URI1: variants seen among roughly 807,000 people sequenced by gnomAD.
The protein encoded by URI1 is URI1 prefoldin like chaperone.
Under a neutral mutation model 60.2 loss-of-function variants are expected in URI1, and 39 were observed. The ratio of observed to expected loss-of-function variants is 0.65; its 90% CI spans 0.50 to 0.85. The LOEUF is 0.85. Ranked by LOEUF, URI1 falls within the 40% of genes least tolerant of loss-of-function variation. The probability of loss-of-function intolerance (pLI) is 0.00; values close to 1 mark genes in which losing one functional copy is unlikely to be tolerated. For missense variants in URI1, 691 were observed against 665.9 expected (o/e 1.04, Z -0.42); for synonymous variants, 251 against 236.8 (o/e 1.06, Z -0.55).
chr19:29,927,129 G>A (rs544796813), intron 1 of URI1, among the ~76,000 whole-genome samples: 6 of 152,186 alleles, frequency 3.9e-5, no homozygotes, highest in Non-Finnish European at 5.9e-5. Flanking sequence ...ATGGTGTCTT[G>A]GGCTGGGGGA....
At chr19:29,951,768 G>C (rs553916189) in intron 1 of URI1, among the ~76,000 whole-genome samples, 2 of 152,046 alleles carry the variant, frequency 1.3e-5, no homozygotes, top group South Asian at 4.2e-4. Flanking sequence ...GGCTGGTCTC[G>C]ATCTCCTGAC....
At chr19:29,941,306 A>G (rs1331034452), upstream of URI1, among the ~76,000 whole-genome samples, 1 of 152,192 alleles carries the variant, frequency 6.6e-6, no homozygotes, top group Non-Finnish European at 1.5e-5. Flanking sequence ...AAGTGGGCAC[A>G]GGAGTTCTAA....
At chr19:29,977,563 T>A (rs995631014) in intron 2 of URI1, among the ~76,000 whole-genome samples, 25 of 49,000 alleles carry the variant, frequency 5.1e-4, no homozygotes, top group Non-Finnish European at 6.6e-4. Context: ...TTTTTCTTTT[T>A]TTTTTTTTTT....
chr19:30,013,169 C>T (rs896097356), intron 10 of URI1, among the ~76,000 whole-genome samples: 1 of 152,172 alleles, frequency 6.6e-6, no homozygotes, highest in Non-Finnish European at 1.5e-5. Flanking sequence ...TTGATTTCTT[C>T]ATTCTTGTGT....
Position 30,015,481 on chromosome 19 carries a change from C to T in URI1, c.*412C>T, listed in dbSNP as rs2056074609. On this transcript the variant is annotated 3_prime_UTR_variant, in exon 11 of 11. Transcript: ENST00000392271. ...AAATTTCAAATAGATTCAACAATTA[C>T]ATTACTTGCTTTCACATTTTAAAGG... is the stretch of plus-strand genomic sequence containing the variant. 3 of 1,524,848 alleles carry T rather than the reference C, an allele frequency of 2.0e-6. No homozygotes were observed. Among genetic ancestry groups the T allele is most frequent in the Admixed American group, 2.1e-5 (1 of 48,090 alleles). 94.5% of individuals were successfully genotyped at this position (1,524,848 alleles called of 1,614,324 possible). A position where few individuals can be genotyped will look rare whatever the true frequency, so the allele number is the denominator to read the frequency against.
At chr19:29,941,329 G>T (rs1055658814), upstream of URI1, among the ~76,000 whole-genome samples, 7 of 152,272 alleles carry the variant, frequency 4.6e-5, no homozygotes, top group East Asian at 1.2e-3. Context: ...TAATTGGAAC[G>T]GCCAGGTGTG....
intron 1 of URI1, among the ~76,000 whole-genome samples, chr19:29,956,178 G>T (rs917873380): frequency 6.7e-6 from 1 of 148,278 alleles, no homozygotes; most frequent in African/African-American, 2.6e-5. Flanking sequence ...AGAGATGAGC[G>T]CCATGTTGGT....
chr19:29,968,509 T>C (rs974561310), intron 1 of URI1, among the ~76,000 whole-genome samples: 1 of 151,710 alleles, frequency 6.6e-6, no homozygotes, highest in Non-Finnish European at 1.5e-5. Context: ...GGGAAAAATA[T>C]TTGTTTTTAT....
chr19:29,998,869 G>T (rs1321532239), intron 4 of URI1, among the ~76,000 whole-genome samples: 2 of 151,682 alleles, frequency 1.3e-5, no homozygotes, highest in African/African-American at 4.8e-5. Context: ...ATGTTTTATA[G>T]CTTTTTTTTG....
intron 1 of URI1, among the ~76,000 whole-genome samples, chr19:29,949,399 G>T (rs925961721): frequency 2.0e-5 from 3 of 151,832 alleles, no homozygotes; most frequent in African/African-American, 4.8e-5. Flanking sequence ...GATGGCGGCC[G>T]GGAAGAGGCG....
intron 1 of URI1, among the ~76,000 whole-genome samples, chr19:29,961,294 A>G (rs1433899762): frequency 7.3e-6 from 1 of 137,130 alleles, no homozygotes; most frequent in Non-Finnish European, 1.5e-5. Context: ...AACTCTGTTC[A>G]TTAAACAATA....
chr19:29,932,812 C>T (rs2054933974), intron 1 of URI1, among the ~76,000 whole-genome samples: 1 of 151,604 alleles, frequency 6.6e-6, no homozygotes, highest in Non-Finnish European at 1.5e-5. Context: ...TCACCACATC[C>T]AGCTAATTTT....
rs10717602 is a variant in URI1, at chr19:29,975,500, CTTTTTTTT to C, written c.152+4287_152+4294del. On this transcript the variant is annotated intron_variant, in intron 2 of 10. Coordinates refer to ENST00000392271, the MANE Select transcript of URI1 (RefSeq NM_003796.3). ...GTCCCCTAATTCTCAGTTCTGTTTACTTTTTTTTTTTTTTTTTTTTTGAGATGGAGTCT... is the reference window on the plus strand; with the variant it reads ...GTCCCCTAATTCTCAGTTCTGTTTACTTTTTTTTTTTTTGAGATGGAGTCT... Among the ~76,000 whole-genome samples, 4 of 72,362 alleles carry C rather than the reference CTTTTTTTT, an allele frequency of 5.5e-5. 1 individual carries two copies. The Admixed American group carries it at 6.3e-4, about 11-fold the overall frequency. The allele number at this position is 72,362 out of a possible 152,430, so 47.5% of individuals were successfully genotyped here.
chr19:29,951,431 A>G (rs984212353), intron 1 of URI1, among the ~76,000 whole-genome samples: 7 of 152,098 alleles, frequency 4.6e-5, no homozygotes, highest in African/African-American at 1.5e-4. Flanking sequence ...TAGTTTCACA[A>G]TAAACTCATT....
chr19:29,947,411 G>A (rs1030449122), intron 1 of URI1, among the ~76,000 whole-genome samples: 2 of 152,154 alleles, frequency 1.3e-5, no homozygotes, highest in Admixed American at 6.5e-5. Flanking sequence ...ACTTTCTCAT[G>A]GCGTGTTTGT....
At chr19:29,991,589 C>T (rs1266885423) in intron 4 of URI1, among the ~76,000 whole-genome samples, 1 of 151,974 alleles carries the variant, frequency 6.6e-6, no homozygotes, top group Non-Finnish European at 1.5e-5. Flanking sequence ...GTATACACTT[C>T]ATTTCTTTTT....
At chr19:29,985,606 T>C (rs1895478289) in intron 3 of URI1, among the ~76,000 whole-genome samples, 1 of 152,206 alleles carries the variant, frequency 6.6e-6, no homozygotes, top group Non-Finnish European at 1.5e-5. Flanking sequence ...CTAAGTCGTT[T>C]CTTGTTAGCC....
intron 4 of URI1, among the ~76,000 whole-genome samples, chr19:29,991,840 A>G (rs973531507): frequency 3.9e-5 from 6 of 151,966 alleles, no homozygotes; most frequent in African/African-American, 1.5e-4. Flanking sequence ...TGTCCAGTGT[A>G]TTTTCTGCAT....
chr19:29,971,897 C>G lies in URI1; in HGVS notation c.152+670C>G, dbSNP rs1198926471. On this transcript the variant is annotated intron_variant, in intron 2 of 10. Transcript: ENST00000392271. ...TTACAATATATCCATGCTGTGCTTA[C>G]GAAGGTTTTACTGAGAGAACAACAG... Among the ~76,000 whole-genome samples the G allele has an allele frequency of 2.0e-5, 3 of 152,036 alleles. No homozygotes were observed. The East Asian group carries it at 5.8e-4, about 29-fold the overall frequency.
Sources: allele counts gnomAD v4.1 joint callset (sites outside exome capture counted in the v4.1 genomes callset), GRCh38; gene constraint gnomAD v4.1.1; transcripts MANE v1.5; gene names NCBI Gene and HGNC (gene_info 2026-07-23, HGNC 2026-07-21).